The following OR4N2 variants were observed in gnomAD, a reference collection of about 807,000 sequenced individuals.
OR4N2 encodes the protein olfactory receptor 4N2.
For synonymous variants in OR4N2, 141 were observed against 140.4 expected, an observed-to-expected ratio of 1.00 and a Z score of -0.03; for missense variants, 307 against 377.6, an observed-to-expected ratio of 0.81 and a Z score of 1.55.
rs1265096802 is a variant in OR4N2, at chr14:19,806,997, A to C, written c.-10+3153A>C. On this transcript the variant is annotated intron_variant, in intron 1 of 1. Transcript: ENST00000557677. ...CTGAAATTAGGCAAAAATCAAAAAAATTCTTTGAAATTAAAACAGGGACAC... is the reference window on the plus strand; with the variant it reads ...CTGAAATTAGGCAAAAATCAAAAAACTTCTTTGAAATTAAAACAGGGACAC... Among the ~76,000 whole-genome samples, 3 of 152,286 alleles carry C rather than the reference A, an allele frequency of 2.0e-5. No homozygotes were observed. In the East Asian group the frequency reaches 5.8e-4, roughly 29 times the overall value.
At chr14:19,805,463 A>G (rs1879139900) in intron 1 of OR4N2, among the ~76,000 whole-genome samples, 1 of 152,214 alleles carries the variant, frequency 6.6e-6, no homozygotes, top group African/African-American at 2.4e-5. Context: ...AAATATTAAC[A>G]GCAAAATAGA....
chr14:19,823,449 C>T (rs1302732032), intron 1 of OR4N2, among the ~76,000 whole-genome samples: 1 of 152,220 alleles, frequency 6.6e-6, no homozygotes, highest in Non-Finnish European at 1.5e-5. Flanking sequence ...TATATATTTT[C>T]ATTTTGTAGA....
intron 1 of OR4N2, among the ~76,000 whole-genome samples, chr14:19,818,459 C>A (rs1157899980): frequency 6.6e-6 from 1 of 152,114 alleles, no homozygotes; most frequent in African/African-American, 2.4e-5. Flanking sequence ...CTTTTTTGAT[C>A]TTTGTTGGTT....
chr14:19,803,883 T>C (rs1594390187), intron 1 of OR4N2, 39 bp downstream of exon 1: 2 of 152,252 alleles, frequency 1.3e-5, no homozygotes, highest in East Asian at 3.8e-4. Flanking sequence ...TCTTGGAACT[T>C]GTTATTAGTC....
chr14:19,811,309 C>T (rs983781705), intron 1 of OR4N2, among the ~76,000 whole-genome samples: 7 of 152,180 alleles, frequency 4.6e-5, no homozygotes, highest in South Asian at 2.1e-4. Flanking sequence ...TGCAGTGGTG[C>T]GATCTCGGCT....
At chr14:19,824,621 C>CATGTGTTAGTTT in intron 1 of OR4N2, among the ~76,000 whole-genome samples, 1 of 152,220 alleles carries the variant, frequency 6.6e-6, no homozygotes, top group South Asian at 2.1e-4. Context: ...CTCTGCCACC[C>CATGTGTTAGTTT]CTGACACAGA....
chr14:19,821,572 T>C (rs1388673829), intron 1 of OR4N2, among the ~76,000 whole-genome samples: 2 of 152,240 alleles, frequency 1.3e-5, no homozygotes, highest in Admixed American at 6.5e-5. Flanking sequence ...TTATAACACG[T>C]AAATTTACTT....
At chr14:19,813,037 G>A (rs1055627605) in intron 1 of OR4N2, among the ~76,000 whole-genome samples, 61 of 152,286 alleles carry the variant, frequency 4.0e-4, no homozygotes, top group African/African-American at 1.4e-3. Context: ...GGGTTAAAAA[G>A]TCTCCATTTT....
chr14:19,815,645 G>GT (rs869163506), intron 1 of OR4N2, among the ~76,000 whole-genome samples: 32 of 120,726 alleles, frequency 2.7e-4, no homozygotes, highest in East Asian at 7.5e-4. Context: ...CTGATGAGAG[G>GT]TTTTTTTTTG....
chr14:19,825,592 G>A (rs1879675731), intron 1 of OR4N2, among the ~76,000 whole-genome samples: 1 of 151,956 alleles, frequency 6.6e-6, no homozygotes, highest in Admixed American at 6.6e-5. Flanking sequence ...GTCTCGCTCT[G>A]TCGCCCAGGC....
At chr14:19,816,015 G>A (rs1477689701) in intron 1 of OR4N2, among the ~76,000 whole-genome samples, 4 of 152,342 alleles carry the variant, frequency 2.6e-5, no homozygotes, top group South Asian at 4.1e-4. Context: ...TTGTAGACGT[G>A]TGGCATTATT....
At chr14:19,805,429 A>G (rs1879138836) in intron 1 of OR4N2, among the ~76,000 whole-genome samples, 1 of 152,232 alleles carries the variant, frequency 6.6e-6, no homozygotes, top group Non-Finnish European at 1.5e-5. Flanking sequence ...AAAATTCACT[A>G]GAAGAACTTC....
chr14:19,817,645 G>T (rs144112800), intron 1 of OR4N2, among the ~76,000 whole-genome samples: 171 of 152,334 alleles, frequency 1.1e-3, no homozygotes, highest in African/African-American at 3.8e-3. Context: ...CCAGCTCCTG[G>T]ATTCACTGAT....
intron 1 of OR4N2, among the ~76,000 whole-genome samples, chr14:19,810,782 A>C (rs758010805): frequency 1.3e-5 from 2 of 152,248 alleles, no homozygotes; most frequent in African/African-American, 4.8e-5. Context: ...AAAATTGATA[A>C]ACCCATAGTA....
intron 1 of OR4N2, among the ~76,000 whole-genome samples, chr14:19,809,088 A>G (rs1208377638): frequency 6.6e-6 from 1 of 152,182 alleles, no homozygotes; most frequent in Admixed American, 6.5e-5. Context: ...AGAACATTCA[A>G]CCAAGCTAAC....
At position 19,829,043 on chromosome 14, in the gene OR4N2, A is replaced by C. The variant is rs1351401251; in HGVS notation, c.*671A>C. 1 of 152,352 alleles carries C rather than the reference A, an allele frequency of 6.6e-6. No individual in the cohort carries two copies. The highest frequency in any genetic ancestry group is 6.5e-5 in the Admixed American group (1 of 15,292). 9.4% of individuals were successfully genotyped at this position (152,352 alleles called of 1,614,324 possible). A position where few individuals can be genotyped will look rare whatever the true frequency, so the allele number is the denominator to read the frequency against. On this transcript the variant is annotated 3_prime_UTR_variant, in exon 2 of 2. Coordinates refer to ENST00000557677, the MANE Select transcript of OR4N2 (RefSeq NM_001004723.3). ...ACTGAAGGGTCATAAACAACTTAGC[A>C]CTGTAAACTCAAGATTCTATGCGGA... is the stretch of plus-strand genomic sequence containing the variant.
chr14:19,821,474 T>A (rs1292928050), intron 1 of OR4N2, among the ~76,000 whole-genome samples: 1 of 152,002 alleles, frequency 6.6e-6, no homozygotes, highest in African/African-American at 2.4e-5. Context: ...ATATGTATTT[T>A]TTGCCTCATC....
At chr14:19,810,198 C>CT (rs1465622508) in intron 1 of OR4N2, among the ~76,000 whole-genome samples, 9 of 152,144 alleles carry the variant, frequency 5.9e-5, no homozygotes, top group African/African-American at 2.2e-4. Flanking sequence ...TGAACAAATG[C>CT]TTTTCAAAGA....
At chr14:19,811,112 A>G (rs1056413414) in intron 1 of OR4N2, among the ~76,000 whole-genome samples, 2 of 152,250 alleles carry the variant, frequency 1.3e-5, no homozygotes, top group Admixed American at 1.3e-4. Flanking sequence ...AAATAGAAGA[A>G]AGGATACCAT....
Sources: allele counts gnomAD v4.1 joint callset (sites outside exome capture counted in the v4.1 genomes callset), GRCh38; gene constraint gnomAD v4.1.1; transcripts MANE v1.5; gene names NCBI Gene and HGNC (gene_info 2026-07-23, HGNC 2026-07-21).